The following MCU variants were observed in gnomAD, a reference collection of about 807,000 sequenced individuals.
The protein encoded by MCU is mitochondrial calcium uniporter, also known as calcium uniporter protein, mitochondrial.
Under a neutral mutation model 45.2 loss-of-function variants are expected in MCU, and 12 were observed. The ratio of observed to expected loss-of-function variants is 0.27; its 90% CI spans 0.17 to 0.43. The LOEUF is 0.43. Ranked by LOEUF, MCU falls within the 20% of genes least tolerant of loss-of-function variation. The pLI is 1.00. For synonymous variants in MCU, 160 were observed against 165.1 expected, an observed-to-expected ratio of 0.97 and a Z score of 0.24; for missense variants, 324 against 436.7, an observed-to-expected ratio of 0.74 and a Z score of 2.30.
At chr10:72,707,198 CTT>C (rs1327443362) in intron 1 of MCU, among the ~76,000 whole-genome samples, 81 of 129,552 alleles carry the variant, frequency 6.3e-4, no homozygotes, top group Middle Eastern at 4.0e-3. Flanking sequence ...ATTTTGAAAT[CTT>C]TTTTTTTTTT....
chr10:72,885,595 G>GCT (rs1480105802), intron 7 of MCU, 150 bp from the exon 8 acceptor site: 12 of 596,556 alleles, frequency 2.0e-5, no homozygotes, highest in Non-Finnish European at 3.5e-5. Context: ...GAGTTAAAAT[G>GCT]CTTTGTCTTT....
intron 1 of MCU, among the ~76,000 whole-genome samples, chr10:72,764,952 A>G (rs1321115120): frequency 1.3e-5 from 2 of 152,078 alleles, no homozygotes; most frequent in Non-Finnish European, 2.9e-5. Flanking sequence ...TGCCCTTATA[A>G]AGAATTAAAT....
chr10:72,721,309 A>AG (rs1425918280), intron 1 of MCU, among the ~76,000 whole-genome samples: 1 of 152,080 alleles, frequency 6.6e-6, no homozygotes, highest in Non-Finnish European at 1.5e-5. Context: ...GGCTCTCTGG[A>AG]GGGGGAAAAG....
At chr10:72,796,313 C>T (rs1442640565) in intron 1 of MCU, among the ~76,000 whole-genome samples, 1 of 151,982 alleles carries the variant, frequency 6.6e-6, no homozygotes, top group Non-Finnish European at 1.5e-5. Context: ...ATGGCACGCA[C>T]CTGTAGTCTT....
chr10:72,802,662 C>T (rs945485176), intron 1 of MCU, among the ~76,000 whole-genome samples: 1 of 152,200 alleles, frequency 6.6e-6, no homozygotes, highest in Non-Finnish European at 1.5e-5. Flanking sequence ...ACAAAATATT[C>T]AGCCTTTGCT....
At chr10:72,804,017 AATATATATATATATATATAT>A (rs35518652) in intron 1 of MCU, among the ~76,000 whole-genome samples, 731 of 34,880 alleles carry the variant, frequency 0.021, 15 homozygotes, top group South Asian at 0.058. Flanking sequence ...AATGTAAGTA[AATATATATATATATATATAT>A]ATATATATAT....
At chr10:72,835,038 C>T (rs1844936475) in intron 2 of MCU, among the ~76,000 whole-genome samples, 1 of 152,170 alleles carries the variant, frequency 6.6e-6, no homozygotes, top group African/African-American at 2.4e-5. Flanking sequence ...TGGGTCTTCA[C>T]ATTATGGATA....
intron 2 of MCU, among the ~76,000 whole-genome samples, chr10:72,858,309 T>TC (rs1845324254): frequency 6.6e-6 from 1 of 152,182 alleles, no homozygotes; most frequent in South Asian, 2.1e-4. Flanking sequence ...GTCAGCATGA[T>TC]CTGAGGGTGG....
intron 1 of MCU, among the ~76,000 whole-genome samples, chr10:72,831,607 TGGA>T (rs1028175922): frequency 6.6e-6 from 1 of 152,128 alleles, no homozygotes; most frequent in Non-Finnish European, 1.5e-5. Context: ...CTTCGTGGGT[TGGA>T]GGAGACAAAA....
chr10:72,869,286 AC>A (rs1391841648), intron 5 of MCU, among the ~76,000 whole-genome samples: 1 of 152,206 alleles, frequency 6.6e-6, no homozygotes, highest in African/African-American at 2.4e-5. Context: ...GGGGAAAAAA[AC>A]AATAAAACAT....
chr10:72,746,973 C>T (rs1293522394), intron 1 of MCU, among the ~76,000 whole-genome samples: 1 of 152,196 alleles, frequency 6.6e-6, no homozygotes. Flanking sequence ...ATGAAACTGT[C>T]TGGGCCTTTT....
chr10:72,715,297 G>C, intron 1 of MCU: 2 of 421,718 alleles, frequency 4.7e-6, no homozygotes, highest in Non-Finnish European at 6.4e-6. Context: ...AGCTTCTTAA[G>C]ATTAGTTTTT....
chr10:72,721,316 A>G (rs1843018586), intron 1 of MCU, among the ~76,000 whole-genome samples: 1 of 152,126 alleles, frequency 6.6e-6, no homozygotes, highest in African/African-American at 2.4e-5. Context: ...TGGAGGGGGA[A>G]AAGGTTCTGA....
At chr10:72,745,366 T>C (rs1201689134) in intron 1 of MCU, among the ~76,000 whole-genome samples, 1 of 152,124 alleles carries the variant, frequency 6.6e-6, no homozygotes, top group Admixed American at 6.6e-5. Context: ...GTAGCTGGCA[T>C]CACAGGCGCA....
chr10:72,766,097 G>T (rs1843723025), intron 1 of MCU, among the ~76,000 whole-genome samples: 1 of 152,058 alleles, frequency 6.6e-6, no homozygotes, highest in Non-Finnish European at 1.5e-5. Flanking sequence ...TGAACACCTG[G>T]CCTCAAGCAG....
chr10:72,812,638 G>T (rs1336565764), intron 1 of MCU, among the ~76,000 whole-genome samples: 2 of 152,186 alleles, frequency 1.3e-5, no homozygotes, highest in African/African-American at 2.4e-5. Context: ...TCATTATTGA[G>T]ATATGCTTTA....
Position 72,860,662 on chromosome 10 carries a change from A to T in MCU, c.496+135A>T. 4.7e-6 allele frequency: 3 copies of T among 638,022 alleles called. No homozygotes were observed. In the South Asian group the frequency reaches 6.2e-5, roughly 13 times the overall value. 39.5% of individuals were successfully genotyped at this position (638,022 alleles called of 1,614,324 possible). A position where few individuals can be genotyped will look rare whatever the true frequency, so the allele number is the denominator to read the frequency against. ...CTGAAAGTTTTATATACAGATAGACACTATTTCAGTTGAAGAGCTCATTGA... is the reference window on the plus strand; with the variant it reads ...CTGAAAGTTTTATATACAGATAGACTCTATTTCAGTTGAAGAGCTCATTGA... On this transcript the variant is annotated intron_variant, in intron 4 of 7. Transcript: ENST00000373053.
At chr10:72,796,938 A>T (rs1200102413) in intron 1 of MCU, among the ~76,000 whole-genome samples, 4 of 152,124 alleles carry the variant, frequency 2.6e-5, no homozygotes, top group Admixed American at 6.5e-5. Context: ...AAGGATTTTT[A>T]AAAAATTTTT....
At chr10:72,881,949 G>A (rs1845709324) in intron 6 of MCU, among the ~76,000 whole-genome samples, 1 of 152,216 alleles carries the variant, frequency 6.6e-6, no homozygotes, top group Admixed American at 6.5e-5. Context: ...CATAATTATT[G>A]TTGTGGGAAG....
Sources: allele counts gnomAD v4.1 joint callset (sites outside exome capture counted in the v4.1 genomes callset), GRCh38; gene constraint gnomAD v4.1.1; transcripts MANE v1.5; gene names NCBI Gene and HGNC (gene_info 2026-07-23, HGNC 2026-07-21).